PAN3: variants seen among roughly 807,000 people sequenced by gnomAD.
PAN3 encodes poly(A) specific ribonuclease subunit PAN3.
PAN3 carries 19 observed loss-of-function variants against 96.2 expected under a neutral mutation model. The observed-to-expected ratio is 0.20, with a 90% CI of 0.14 to 0.29. PAN3 has a LOEUF of 0.29. Ranked by LOEUF, PAN3 falls within the 10% of genes least tolerant of loss-of-function variation. The pLI is 1.00. For missense variants in PAN3, 882 were observed against 1,108.1 expected (o/e 0.80, Z 2.90); for synonymous variants, 433 against 406.6 (o/e 1.06, Z -0.78).
intron 6 of PAN3, among the ~76,000 whole-genome samples, chr13:28,246,903 C>T (rs1301774855): frequency 6.6e-6 from 1 of 152,122 alleles, no homozygotes; most frequent in Non-Finnish European, 1.5e-5. Flanking sequence ...GATGTCTCTT[C>T]TACATACTGA....
At chr13:28,186,711 T>G in intron 4 of PAN3, among the ~76,000 whole-genome samples, 1 of 152,222 alleles carries the variant, frequency 6.6e-6, no homozygotes, top group East Asian at 1.9e-4. Context: ...AGCTACATAG[T>G]GACAGCTACA....
chr13:28,152,798 A>C (rs757080686), intron 1 of PAN3, among the ~76,000 whole-genome samples: 1 of 152,208 alleles, frequency 6.6e-6, no homozygotes, highest in East Asian at 1.9e-4. Flanking sequence ...CAATAGGTAT[A>C]TAAAAGTTCC....
At chr13:28,264,777 A>G in intron 9 of PAN3, among the ~76,000 whole-genome samples, 1 of 152,172 alleles carries the variant, frequency 6.6e-6, no homozygotes, top group Non-Finnish European at 1.5e-5. Context: ...ACTTGTTAGA[A>G]TTGTGAGTTC....
At chr13:28,187,397 T>C (rs1031889485) in intron 4 of PAN3, among the ~76,000 whole-genome samples, 2 of 152,330 alleles carry the variant, frequency 1.3e-5, no homozygotes, top group South Asian at 2.1e-4. Context: ...TTTCTTTATA[T>C]CTGGTACGTA....
At chr13:28,260,395 A>G in intron 7 of PAN3, 52 bp from the exon 8 acceptor site, 1 of 1,424,936 alleles carries the variant, frequency 7.0e-7, no homozygotes, top group Non-Finnish European at 9.9e-7. Context: ...CTCCATCTGA[A>G]AAAAAGAAAG....
At chr13:28,192,406 T>C (rs879148831) in intron 4 of PAN3, among the ~76,000 whole-genome samples, 5 of 152,192 alleles carry the variant, frequency 3.3e-5, no homozygotes, top group Admixed American at 1.3e-4. Context: ...TCATCTTTTG[T>C]TCTCAAACTT....
At chr13:28,287,767 A>G (rs1431316639) in intron 17 of PAN3, among the ~76,000 whole-genome samples, 1 of 152,242 alleles carries the variant, frequency 6.6e-6, no homozygotes, top group Non-Finnish European at 1.5e-5. Flanking sequence ...ATAGGAATGC[A>G]TAAGGGATGA....
At chr13:28,176,319 G>T (rs1874979596) in intron 2 of PAN3, among the ~76,000 whole-genome samples, 174 bp from the exon 3 acceptor site, 1 of 152,094 alleles carries the variant, frequency 6.6e-6, no homozygotes, top group African/African-American at 2.4e-5. Flanking sequence ...CATTTCATGT[G>T]GTGGTTTTTA....
chr13:28,275,972 G>T (rs548116566), intron 14 of PAN3, among the ~76,000 whole-genome samples: 112 of 151,214 alleles, frequency 7.4e-4, no homozygotes, highest in Middle Eastern at 6.9e-3. Context: ...GGAGTTTAAC[G>T]TCTTTTTACT....
intron 6 of PAN3, among the ~76,000 whole-genome samples, chr13:28,229,939 A>G (rs1882369387): frequency 6.6e-6 from 1 of 152,138 alleles, no homozygotes; most frequent in Non-Finnish European, 1.5e-5. Flanking sequence ...TTTGAGAATG[A>G]CTGCTCGATT....
At position 28,279,439 on chromosome 13, in the gene PAN3, A is replaced by C. The variant is rs1250486432; in HGVS notation, c.2190-973A>C. 2.0e-5 allele frequency among the ~76,000 whole-genome samples: 3 copies of C among 152,098 alleles called. No individual in the cohort carries two copies. The East Asian group carries it at 5.8e-4, about 29-fold the overall frequency. On this transcript the variant is annotated intron_variant, in intron 15 of 18. Coordinates refer to ENST00000380958, the MANE Select transcript of PAN3 (RefSeq NM_175854.8). ...CCCCACCCCACACCTACCCCCTTTTAGTCCTCTCAAAAAAGTTTCTAAAAA... is the reference window on the plus strand; with the variant it reads ...CCCCACCCCACACCTACCCCCTTTTCGTCCTCTCAAAAAAGTTTCTAAAAA...
chr13:28,220,437 C>T (rs1881281944), intron 6 of PAN3, 59 bp downstream of exon 6: 1 of 1,526,382 alleles, frequency 6.6e-7, no homozygotes, highest in South Asian at 1.2e-5. Flanking sequence ...GCACCATTTA[C>T]TATTAATTTA....
chr13:28,140,857 A>C (rs1295440649), intron 1 of PAN3, among the ~76,000 whole-genome samples: 9 of 152,314 alleles, frequency 5.9e-5, no homozygotes, highest in Middle Eastern at 3.4e-3. Flanking sequence ...ATGGTTACTT[A>C]TGGGTGGAAT....
chr13:28,219,067 A>T (rs1398000678), intron 5 of PAN3, among the ~76,000 whole-genome samples: 4 of 152,214 alleles, frequency 2.6e-5, no homozygotes, highest in Non-Finnish European at 5.9e-5. Context: ...TTTCTTCTCC[A>T]GAAATCAAGG....
chr13:28,178,814 T>C (rs545254143), intron 4 of PAN3, among the ~76,000 whole-genome samples: 1 of 152,270 alleles, frequency 6.6e-6, no homozygotes, highest in Admixed American at 6.5e-5. Flanking sequence ...GATCAGCAGA[T>C]AGTATAAAAT....
chr13:28,147,664 G>A (rs995080508), intron 1 of PAN3, among the ~76,000 whole-genome samples: 34 of 152,136 alleles, frequency 2.2e-4, no homozygotes, highest in African/African-American at 8.2e-4. Flanking sequence ...ATGATACCAC[G>A]AATCACTAAC....
chr13:28,232,624 T>A (rs1213521685), intron 6 of PAN3: 1 of 151,828 alleles, frequency 6.6e-6, no homozygotes, highest in African/African-American at 2.4e-5. Flanking sequence ...TTTTAAAAAA[T>A]TTATAAAGAT....
rs548714425 is a variant in PAN3 at position 28,149,198 on chromosome 13, TAAA to T, written c.430+10117_430+10119del. On this transcript the variant is annotated intron_variant, in intron 1 of 18. Coordinates refer to ENST00000380958, the MANE Select transcript of PAN3 (RefSeq NM_175854.8). ...AGTGAGACTCTGTTTCTACTAAAAATAAAAAAAATTAGCTAGGCTTGGTGGTGC... is the reference window on the plus strand; with the variant it reads ...AGTGAGACTCTGTTTCTACTAAAAATAAAAATTAGCTAGGCTTGGTGGTGC... Among the ~76,000 whole-genome samples, 356 of 151,718 alleles carry T rather than the reference TAAA, an allele frequency of 2.3e-3. 1 individual carries two copies. The highest frequency in any genetic ancestry group is 8.3e-3 in the African/African-American group (342 of 41,364).
intron 6 of PAN3, among the ~76,000 whole-genome samples, chr13:28,255,597 A>C (rs1196716341): frequency 6.6e-6 from 1 of 152,198 alleles, no homozygotes; most frequent in African/African-American, 2.4e-5. Context: ...CCACTAGAAC[A>C]TAATGGTATC....
Sources: allele counts gnomAD v4.1 joint callset (sites outside exome capture counted in the v4.1 genomes callset), GRCh38; gene constraint gnomAD v4.1.1; transcripts MANE v1.5; gene names NCBI Gene and HGNC (gene_info 2026-07-23, HGNC 2026-07-21).